The following MRTFA variants were observed in gnomAD, a reference collection of about 807,000 sequenced individuals.
The protein encoded by MRTFA is myocardin related transcription factor A.
MRTFA carries 20 observed loss-of-function variants against 83.5 expected under a neutral mutation model. The observed-to-expected ratio is 0.24, with a 90% CI of 0.17 to 0.35. The LOEUF (loss-of-function observed/expected upper bound fraction) is 0.35. MRTFA is among the 10% of genes least tolerant of loss of function. MRTFA has a pLI of 1.00. For synonymous variants in MRTFA, 659 were observed against 541.2 expected (o/e 1.22, Z -3.02); for missense variants, 1,200 against 1,224.7 (o/e 0.98, Z 0.30).
chr22:40,604,476 C>T (rs766604832), intron 1 of MRTFA, among the ~76,000 whole-genome samples: 9 of 151,372 alleles, frequency 5.9e-5, no homozygotes, highest in Non-Finnish European at 8.8e-5. Flanking sequence ...TGGCCAAGCG[C>T]GGTGGCTCAT....
At chr22:40,609,246 AC>A (rs2056355338) in intron 1 of MRTFA, among the ~76,000 whole-genome samples, 1 of 150,898 alleles carries the variant, frequency 6.6e-6, no homozygotes, top group African/African-American at 2.4e-5. Context: ...TGCTGAGATC[AC>A]ACCACTGCAC....
At chr22:40,496,063 C>A in intron 3 of MRTFA, among the ~76,000 whole-genome samples, 1 of 149,358 alleles carries the variant, frequency 6.7e-6, no homozygotes. Context: ...GAGACTCAGT[C>A]TCAGAAAAAA....
At chr22:40,591,818 G>T (rs140455676) in intron 2 of MRTFA, among the ~76,000 whole-genome samples, 2 of 152,256 alleles carry the variant, frequency 1.3e-5, no homozygotes, top group East Asian at 3.9e-4. Context: ...TCATTCAATA[G>T]ACAGAAAAAT....
In MRTFA at chr22:40,418,932, G is replaced by C. The variant is rs760204338; in HGVS notation, c.1806C>G (p.Gly602=). The C allele has an allele frequency of 1.2e-6, 2 of 1,612,688 alleles. No homozygotes were observed. Among genetic ancestry groups the C allele is most frequent in the Admixed American group, 3.3e-5 (2 of 59,984 alleles). Residue 602 remains glycine (G), a synonymous_variant, in exon 12 of 15, where the codon GGC becomes GGG. Transcript: ENST00000355630. ...TCAGGCAACAGGACCCGGCCCGGGG[G>C]CCCTCCTCCTTCACGAGGATCTGCA...
At chr22:40,463,088 C>A in intron 4 of MRTFA, 133 bp downstream of exon 4, 1 of 771,518 alleles carries the variant, frequency 1.3e-6, no homozygotes, top group South Asian at 1.6e-5. Flanking sequence ...CTTGGAAAGT[C>A]ATGAGAAAGA....
rs118132693 is a variant in MRTFA at position 40,523,236 on chromosome 22, T to C, written c.241+28870A>G. 1.6e-4 allele frequency: 24 copies of C among 152,272 alleles called. No individual in the cohort carries two copies. The East Asian group carries it at 4.0e-3, about 26-fold the overall frequency. The allele number at this position is 152,272 out of a possible 1,614,324, so 9.4% of individuals were successfully genotyped here. On this transcript the variant is annotated intron_variant, in intron 3 of 14. Coordinates refer to ENST00000355630, the MANE Select transcript of MRTFA (RefSeq NM_020831.6). ...TTTTACCCTATTCTTCCATACTAAT[T>C]AGACATCATATAAATCCCACATATA...
intron 1 of MRTFA, among the ~76,000 whole-genome samples, chr22:40,600,787 G>A (rs1376562368): frequency 6.6e-6 from 1 of 152,152 alleles, no homozygotes; most frequent in African/African-American, 2.4e-5. Flanking sequence ...AGACCAGCCT[G>A]GCCAACGTAG....
chr22:40,516,921 CTTTTTTTTT>C (rs922275781), intron 3 of MRTFA, among the ~76,000 whole-genome samples: 2 of 148,732 alleles, frequency 1.3e-5, no homozygotes, highest in Non-Finnish European at 3.0e-5. Context: ...TAATTTTTTT[CTTTTTTTTT>C]TCCTTTTTTT....
intron 9 of MRTFA, among the ~76,000 whole-genome samples, chr22:40,422,185 G>A (rs2052855444): frequency 6.6e-6 from 1 of 152,138 alleles, no homozygotes; most frequent in East Asian, 1.9e-4. Context: ...AGAGCCTAAG[G>A]AGCACCCCCA....
At chr22:40,420,382 C>G in intron 11 of MRTFA, 23 bp downstream of exon 11, 2 of 1,605,742 alleles carry the variant, frequency 1.2e-6, no homozygotes, top group Non-Finnish European at 8.5e-7. Flanking sequence ...GGCAGTGGCT[C>G]AAGTTTTCCA....
intron 2 of MRTFA, among the ~76,000 whole-genome samples, chr22:40,573,213 A>C (rs1234611247): frequency 1.3e-5 from 2 of 152,150 alleles, no homozygotes; most frequent in African/African-American, 4.8e-5. Context: ...CAATCTTGCG[A>C]AAATACTGGA....
chr22:40,524,379 T>C (rs1489336033), intron 3 of MRTFA, among the ~76,000 whole-genome samples: 1 of 152,228 alleles, frequency 6.6e-6, no homozygotes, highest in Non-Finnish European at 1.5e-5. Context: ...CAGATTATTC[T>C]TACCCAACAA....
At chr22:40,620,124 ATT>A (rs35417531) in intron 1 of MRTFA, among the ~76,000 whole-genome samples, 24 of 131,458 alleles carry the variant, frequency 1.8e-4, no homozygotes, top group African/African-American at 3.1e-4. Context: ...CACCCAGCTA[ATT>A]TTTTTTTTTT....
At chr22:40,427,169 T>C (rs989138671) in intron 7 of MRTFA, among the ~76,000 whole-genome samples, 13 of 152,156 alleles carry the variant, frequency 8.5e-5, no homozygotes, top group African/African-American at 2.9e-4. Flanking sequence ...GGCTGCAGCA[T>C]CCAGAACTGG....
chr22:40,559,138 C>G (rs576311250), intron 2 of MRTFA, among the ~76,000 whole-genome samples: 1 of 152,122 alleles, frequency 6.6e-6, no homozygotes, highest in Admixed American at 6.5e-5. Flanking sequence ...CCTGTAATCC[C>G]CAGCAGTTGG....
chr22:40,460,883 C>A (rs531494867), intron 4 of MRTFA, among the ~76,000 whole-genome samples: 9 of 152,160 alleles, frequency 5.9e-5, no homozygotes, highest in African/African-American at 2.2e-4. Flanking sequence ...ACTTAAGCTC[C>A]CTGGGCTGAT....
At chr22:40,500,681 C>A (rs939901911) in intron 3 of MRTFA, among the ~76,000 whole-genome samples, 31 of 151,028 alleles carry the variant, frequency 2.1e-4, no homozygotes, top group African/African-American at 7.1e-4. Flanking sequence ...GTGGACACAG[C>A]ACATGTTTCA....
chr22:40,516,847 A>C (rs993561526), intron 3 of MRTFA, among the ~76,000 whole-genome samples: 1 of 152,216 alleles, frequency 6.6e-6, no homozygotes, highest in Non-Finnish European at 1.5e-5. Flanking sequence ...GCTTTTTTTA[A>C]ATGTCAAATT....
chr22:40,463,387 T>A, intron 3 of MRTFA, 101 bp from the exon 4 acceptor site: 2 of 991,608 alleles, frequency 2.0e-6, no homozygotes, highest in Non-Finnish European at 3.2e-6. Context: ...AACAGAAGGA[T>A]GTAGTGTGAA....
Sources: allele counts gnomAD v4.1 joint callset (sites outside exome capture counted in the v4.1 genomes callset), GRCh38; gene constraint gnomAD v4.1.1; transcripts MANE v1.5; gene names NCBI Gene and HGNC (gene_info 2026-07-23, HGNC 2026-07-21).